Variants in PPP1R12B observed in about 807,000 individuals in gnomAD.
The protein encoded by PPP1R12B is protein phosphatase 1 regulatory subunit 12B, also known as myosin phosphatase target subunit 2.
A neutral mutation model predicts 126.1 loss-of-function variants in PPP1R12B; 76 were observed. The observed-to-expected ratio is 0.60, with a 90% CI of 0.50 to 0.73. PPP1R12B has a LOEUF of 0.73. Ranked by LOEUF, PPP1R12B falls within the 30% of genes least tolerant of loss-of-function variation. The pLI is 0.00. For synonymous variants in PPP1R12B, 356 were observed against 434.7 expected, an observed-to-expected ratio of 0.82 and a Z score of 2.25; for missense variants, 1,052 against 1,205.1, an observed-to-expected ratio of 0.87 and a Z score of 1.88.
At chr1:202,498,858 T>G (rs763164450) in intron 18 of PPP1R12B, among the ~76,000 whole-genome samples, 21 of 152,192 alleles carry the variant, frequency 1.4e-4, no homozygotes, top group Admixed American at 3.3e-4. Flanking sequence ...AGGGCAGCTC[T>G]TTCCTTTCTT....
intron 1 of PPP1R12B, among the ~76,000 whole-genome samples, chr1:202,413,312 C>G (rs1291714804): frequency 6.6e-6 from 1 of 151,782 alleles, no homozygotes; most frequent in African/African-American, 2.4e-5. Flanking sequence ...TTCATTCATC[C>G]CCTTCTAGGC....
chr1:202,397,190 G>A (rs900830374), intron 1 of PPP1R12B, among the ~76,000 whole-genome samples: 1 of 151,566 alleles, frequency 6.6e-6, no homozygotes, highest in African/African-American at 2.4e-5. Context: ...GCTCTTTCCC[G>A]ATTACTGCAC....
At chr1:202,532,533 G>C (rs1279150626) in intron 18 of PPP1R12B, among the ~76,000 whole-genome samples, 1 of 152,082 alleles carries the variant, frequency 6.6e-6, no homozygotes, top group Non-Finnish European at 1.5e-5. Flanking sequence ...TTGCTATTCT[G>C]TTTATTCACT....
intron 17 of PPP1R12B, 98 bp downstream of exon 17, chr1:202,495,780 T>C: frequency 9.6e-7 from 1 of 1,037,686 alleles, no homozygotes; most frequent in Non-Finnish European, 1.4e-6. Flanking sequence ...GTGCCATGAA[T>C]CTTGCAGTTT....
chr1:202,409,160 C>T (rs552563295), intron 1 of PPP1R12B, among the ~76,000 whole-genome samples: 2 of 151,776 alleles, frequency 1.3e-5, no homozygotes, highest in East Asian at 3.9e-4. Context: ...GAGTTTATAC[C>T]CAGAATTCTT....
At chr1:202,411,507 A>T (rs1485811949) in intron 1 of PPP1R12B, among the ~76,000 whole-genome samples, 2 of 151,480 alleles carry the variant, frequency 1.3e-5, no homozygotes, top group Non-Finnish European at 2.9e-5. Context: ...TAGTTCAAAG[A>T]CATTTTTAAC....
intron 1 of PPP1R12B, among the ~76,000 whole-genome samples, chr1:202,394,552 C>A: frequency 6.6e-6 from 1 of 151,870 alleles, no homozygotes; most frequent in East Asian, 1.9e-4. Flanking sequence ...GTTGGGAGTT[C>A]AAGACCAGCC....
chr1:202,472,118 G>A, intron 13 of PPP1R12B: 1 of 1,495,132 alleles, frequency 6.7e-7, no homozygotes, highest in Non-Finnish European at 9.1e-7. Flanking sequence ...TGAGAGGCAT[G>A]TTCTCATGTG....
At chr1:202,474,192 T>A (rs1269172088) in intron 13 of PPP1R12B, among the ~76,000 whole-genome samples, 1 of 152,174 alleles carries the variant, frequency 6.6e-6, no homozygotes, top group African/African-American at 2.4e-5. Flanking sequence ...AATGTAAGAT[T>A]ACTGTAATAC....
intron 1 of PPP1R12B, among the ~76,000 whole-genome samples, chr1:202,394,195 G>A (rs571142213): frequency 7.9e-5 from 12 of 151,962 alleles, no homozygotes; most frequent in Admixed American, 2.0e-4. Context: ...AAAATTAGCC[G>A]GGCATGGTGG....
At chr1:202,415,423 C>G (rs1370019714) in intron 1 of PPP1R12B, among the ~76,000 whole-genome samples, 2 of 152,098 alleles carry the variant, frequency 1.3e-5, no homozygotes, top group African/African-American at 4.8e-5. Flanking sequence ...TTGGATAATT[C>G]TTCCTGAGCT....
At chr1:202,534,067 T>C (rs1310757429) in intron 18 of PPP1R12B, among the ~76,000 whole-genome samples, 1 of 152,228 alleles carries the variant, frequency 6.6e-6, no homozygotes, top group East Asian at 1.9e-4. Context: ...AAGAAGCTTT[T>C]CTCCTCCTAT....
intron 1 of PPP1R12B, among the ~76,000 whole-genome samples, chr1:202,391,017 C>T (rs1177800788): frequency 2.6e-5 from 4 of 152,088 alleles, no homozygotes; most frequent in Admixed American, 6.5e-5. Context: ...GAGCTGAGAT[C>T]GTGCCACCGC....
At chr1:202,438,336 G>A in intron 10 of PPP1R12B, 2 of 1,184,834 alleles carry the variant, frequency 1.7e-6, no homozygotes, top group Middle Eastern at 2.8e-4. Context: ...GCGGAGGGGG[G>A]CACAGGACCC....
At position 202,442,639 on chromosome 1, in the gene PPP1R12B, T is replaced by C. The variant is rs540552428; in HGVS notation, c.1667+67T>C. The C allele has an allele frequency of 9.5e-5, 136 of 1,431,726 alleles. No homozygotes were observed. The African/African-American group carries it at 1.7e-3, about 17-fold the overall frequency. 88.7% of individuals were successfully genotyped at this position (1,431,726 alleles called of 1,614,324 possible). On this transcript the variant is annotated intron_variant, in intron 12 of 23. Coordinates refer to ENST00000608999, the MANE Select transcript of PPP1R12B (RefSeq NM_002481.4). The stretch of plus-strand genomic sequence containing the variant: ...AGCCATGGGAAATGGGTAATGATTG[T>C]ATGCCTTTTTATGTCCAATTAACAC...
intron 13 of PPP1R12B, among the ~76,000 whole-genome samples, chr1:202,484,363 A>G (rs1439799464): frequency 6.6e-6 from 1 of 152,182 alleles, no homozygotes; most frequent in Non-Finnish European, 1.5e-5. Flanking sequence ...TAGCAACTTA[A>G]CTTTGGTTGC....
intron 18 of PPP1R12B, among the ~76,000 whole-genome samples, chr1:202,537,314 A>T (rs1684645726): frequency 6.6e-6 from 1 of 151,984 alleles, no homozygotes; most frequent in African/African-American, 2.4e-5. Flanking sequence ...AGATTGCGCC[A>T]CTGCACTCCA....
rs189697744 is a variant in PPP1R12B, at chr1:202,554,803, T to C, written c.2491-4074T>C. ...ATAAACAACAGACTGTGGTGTTTGCTTTCAGTTACTCCTGGCAAGCAGAAG... is the reference window on the plus strand; with the variant it reads ...ATAAACAACAGACTGTGGTGTTTGCCTTCAGTTACTCCTGGCAAGCAGAAG... On this transcript the variant is annotated intron_variant, in intron 18 of 23. Coordinates refer to ENST00000608999, the MANE Select transcript of PPP1R12B (RefSeq NM_002481.4). Among the ~76,000 whole-genome samples, 573 of 151,866 alleles carry C rather than the reference T, an allele frequency of 3.8e-3. 3 individuals carry two copies. The highest frequency in any genetic ancestry group is 6.7e-3 in the Admixed American group (103 of 15,266).
intron 13 of PPP1R12B, among the ~76,000 whole-genome samples, chr1:202,475,928 C>T (rs1436059167): frequency 2.0e-5 from 3 of 152,050 alleles, no homozygotes; most frequent in Admixed American, 6.5e-5. Flanking sequence ...GACTGGGCAT[C>T]GTGGCTCATG....
Sources: gnomAD v4.1 joint callset for allele counts (sites outside exome capture counted in the v4.1 genomes callset) on GRCh38, gnomAD v4.1.1 for gene constraint, MANE v1.5 for transcripts, NCBI Gene and HGNC (gene_info 2026-07-23, HGNC 2026-07-21) for gene names.